RAB3C: variants seen among roughly 807,000 people sequenced by gnomAD.
RAB3C encodes the protein ras-related protein Rab-3C.
A neutral mutation model predicts 26.4 loss-of-function variants in RAB3C; 17 were observed. The ratio of observed to expected loss-of-function variants is 0.64; its 90% CI spans 0.44 to 0.97. The LOEUF is 0.97. Among genes scored for constraint, RAB3C ranks in the 50% least tolerant of loss-of-function variants. The probability of loss-of-function intolerance (pLI) is 0.00; values close to 1 mark genes in which losing one functional copy is unlikely to be tolerated. For missense variants in RAB3C, 242 were observed against 281.9 expected (o/e 0.86, Z 1.01); for synonymous variants, 91 against 95.9 (o/e 0.95, Z 0.30).
At chr5:58,820,276 C>T (rs539036053) in intron 3 of RAB3C, among the ~76,000 whole-genome samples, 2 of 151,656 alleles carry the variant, frequency 1.3e-5, no homozygotes, top group South Asian at 4.2e-4. Flanking sequence ...AAGAAGCTGA[C>T]ATAATTTAAT....
intron 1 of RAB3C, among the ~76,000 whole-genome samples, chr5:58,596,034 G>T (rs567183448): frequency 6.6e-6 from 1 of 152,132 alleles, no homozygotes; most frequent in African/African-American, 2.4e-5. Context: ...TTGGCTATTG[G>T]GAGGGATGTG....
At chr5:58,710,324 C>T (rs888407383) in intron 2 of RAB3C, among the ~76,000 whole-genome samples, 1 of 152,004 alleles carries the variant, frequency 6.6e-6, no homozygotes, top group Non-Finnish European at 1.5e-5. Flanking sequence ...CCAGGCCGGG[C>T]GTGGTGGCTC....
At chr5:58,780,292 T>A (rs577738438) in intron 3 of RAB3C, among the ~76,000 whole-genome samples, 1 of 152,262 alleles carries the variant, frequency 6.6e-6, no homozygotes, top group African/African-American at 2.4e-5. Flanking sequence ...GGAGAATGAA[T>A]TTTTAGAGTG....
chr5:58,609,312 C>T (rs1386599228), intron 1 of RAB3C, among the ~76,000 whole-genome samples: 1 of 152,096 alleles, frequency 6.6e-6, no homozygotes, highest in Non-Finnish European at 1.5e-5. Context: ...ATTTTACCTT[C>T]AGGAGCCCTA....
chr5:58,820,711 A>AC (rs1416617604), intron 3 of RAB3C, among the ~76,000 whole-genome samples: 3 of 152,200 alleles, frequency 2.0e-5, no homozygotes, highest in Non-Finnish European at 2.9e-5. Context: ...ATTTCCCGAC[A>AC]ATTTAGAACA....
At chr5:58,654,358 G>T (rs184480581) in intron 2 of RAB3C, among the ~76,000 whole-genome samples, 93 of 152,100 alleles carry the variant, frequency 6.1e-4, no homozygotes, top group South Asian at 1.5e-3. Context: ...TTTAAATGGG[G>T]AAATAAGAAA....
At chr5:58,778,804 G>T (rs951655848) in intron 3 of RAB3C, among the ~76,000 whole-genome samples, 3 of 152,036 alleles carry the variant, frequency 2.0e-5, no homozygotes, top group Non-Finnish European at 4.4e-5. Flanking sequence ...TCTTCCATGT[G>T]CACTGTATCT....
Position 58,857,253 on chromosome 5 carries a change from T to C in RAB3C, c.*5902T>C, listed in dbSNP as rs1269433880. On this transcript the variant is annotated 3_prime_UTR_variant, in exon 5 of 5. Coordinates refer to ENST00000282878, the MANE Select transcript of RAB3C (RefSeq NM_138453.4). ...TGCAATTTATACAGTAAATATCTTA[T>C]TGGTGTCATGTAAAACCCCTCTGTG... 2 of 152,180 alleles carry C rather than the reference T, an allele frequency of 1.3e-5. No homozygotes were observed. The highest frequency in any genetic ancestry group is 2.4e-5 in the African/African-American group (1 of 41,434). 9.4% of individuals were successfully genotyped at this position (152,180 alleles called of 1,614,324 possible).
chr5:58,706,318 G>A (rs1016247019), intron 2 of RAB3C, among the ~76,000 whole-genome samples: 1 of 152,054 alleles, frequency 6.6e-6, no homozygotes, highest in African/African-American at 2.4e-5. Flanking sequence ...TGGCCACCTT[G>A]GGCATTCGTC....
chr5:58,845,612 A>ATATATATATGTGTGTGTGTGTGTG, intron 4 of RAB3C, among the ~76,000 whole-genome samples: 6 of 81,742 alleles, frequency 7.3e-5, no homozygotes, highest in African/African-American at 1.7e-4. Context: ...ATATATATAT[A>ATATATATATGTGTGTGTGTGTGTG]TGTGTGTGTG....
At chr5:58,607,816 C>G (rs1178694835) in intron 1 of RAB3C, among the ~76,000 whole-genome samples, 1 of 152,090 alleles carries the variant, frequency 6.6e-6, no homozygotes. Context: ...CCAAACTAAG[C>G]TTCATAAGTG....
chr5:58,708,342 C>T (rs1748991100), intron 2 of RAB3C, among the ~76,000 whole-genome samples: 1 of 152,150 alleles, frequency 6.6e-6, no homozygotes, highest in South Asian at 2.1e-4. Context: ...TCTAGCATTA[C>T]ACCCTTGCCC....
intron 3 of RAB3C, among the ~76,000 whole-genome samples, chr5:58,813,593 TATATATATA>T (rs1284292436): frequency 5.4e-5 from 5 of 91,898 alleles, no homozygotes; most frequent in African/African-American, 1.3e-4. Flanking sequence ...TATTTATATT[TATATATATA>T]TATATATATA....
chr5:58,763,268 A>G (rs957504488), intron 3 of RAB3C, among the ~76,000 whole-genome samples: 4 of 152,248 alleles, frequency 2.6e-5, no homozygotes, highest in African/African-American at 9.6e-5. Flanking sequence ...TTAGAGCCAT[A>G]TAAGCATCTA....
rs184353997 is a variant in RAB3C, at chr5:58,585,882, G to C, written c.24+2650G>C. Reference sequence around the variant, plus strand: ...AATAACCAGGAATAGCATTTGGTAAGTGTCCCAAGTGATAGGCTTAGAATT... The same window carrying C: ...AATAACCAGGAATAGCATTTGGTAACTGTCCCAAGTGATAGGCTTAGAATT... On this transcript the variant is annotated intron_variant, in intron 1 of 4. Coordinates refer to ENST00000282878, the MANE Select transcript of RAB3C (RefSeq NM_138453.4). Among the ~76,000 whole-genome samples, 191 of 152,170 alleles carry C rather than the reference G, an allele frequency of 1.3e-3. 2 individuals carry two copies. The highest frequency in any genetic ancestry group is 4.5e-3 in the African/African-American group (187 of 41,542).
At chr5:58,844,898 C>T (rs1003691496) in intron 4 of RAB3C, among the ~76,000 whole-genome samples, 32 of 152,218 alleles carry the variant, frequency 2.1e-4, no homozygotes, top group Non-Finnish European at 2.2e-4. Flanking sequence ...AAAAAAGGAG[C>T]AACAGTGCCG....
At chr5:58,792,428 A>G (rs997885609) in intron 3 of RAB3C, among the ~76,000 whole-genome samples, 1 of 152,222 alleles carries the variant, frequency 6.6e-6, no homozygotes, top group Non-Finnish European at 1.5e-5. Flanking sequence ...TGAAGAAGGA[A>G]CCAAGTGCAC....
chr5:58,825,744 CA>C (rs1743462417), intron 4 of RAB3C, among the ~76,000 whole-genome samples: 1 of 152,020 alleles, frequency 6.6e-6, no homozygotes, highest in Admixed American at 6.6e-5. Context: ...TCAGAAATGG[CA>C]AAGCCATTTC....
Position 58,797,353 on chromosome 5 carries a change from AATATGTATATATATAATATAT to A in RAB3C, c.372-27680_372-27660del, listed in dbSNP as rs1471924360. The stretch of plus-strand genomic sequence containing the variant: ...TCCCTGGAAGACAAAAAAAAAAAAA[AATATGTATATATATAATATAT>A]ATATATATATATATATATATATACA... On this transcript the variant is annotated intron_variant, in intron 3 of 4. Coordinates refer to ENST00000282878, the MANE Select transcript of RAB3C (RefSeq NM_138453.4). Among the ~76,000 whole-genome samples the A allele has an allele frequency of 7.3e-4, 19 of 26,020 alleles. 1 individual carries two copies. The highest frequency in any genetic ancestry group is 2.3e-3 in the African/African-American group (10 of 4,276). The allele number at this position is 26,020 out of a possible 152,430, so 17.1% of individuals were successfully genotyped here.
Sources: gnomAD v4.1 joint callset for allele counts (sites outside exome capture counted in the v4.1 genomes callset) on GRCh38, gnomAD v4.1.1 for gene constraint, MANE v1.5 for transcripts, NCBI Gene and HGNC (gene_info 2026-07-23, HGNC 2026-07-21) for gene names.